UTY: variants seen among roughly 807,000 people sequenced by gnomAD.
UTY encodes the protein histone demethylase UTY.
A neutral mutation model predicts 32.5 loss-of-function variants in UTY; 12 were observed. That is an observed-to-expected ratio of 0.37 (90% CI 0.24 to 0.60). The LOEUF is 0.60. UTY is among the 20% of genes least tolerant of loss of function. UTY has a pLI of 0.69. For missense variants in UTY, 303 were observed against 299.2 expected, an observed-to-expected ratio of 1.01 and a Z score of -0.09; for synonymous variants, 131 against 103.4, an observed-to-expected ratio of 1.27 and a Z score of -1.62.
intron 18 of UTY, among the ~76,000 whole-genome samples, chrY:13,327,829 A>G (rs2060358064): frequency 2.9e-5 from 1 of 34,166 alleles, no homozygotes; most frequent in African/African-American, 1.1e-4. Context: ...TCACTATACC[A>G]GTACTTAATT....
intron 10 of UTY, among the ~76,000 whole-genome samples, chrY:13,361,797 A>C: frequency 3.0e-5 from 1 of 33,526 alleles, no homozygotes; most frequent in Non-Finnish European, 7.4e-5. Context: ...TGAGAGAGTG[A>C]TTTAAGAACA....
intron 17 of UTY, 48 bp downstream of exon 17, chrY:13,354,955 G>C (rs776261863): frequency 2.6e-6 from 1 of 386,729 alleles, no homozygotes; most frequent in Non-Finnish European, 3.6e-6. Context: ...ACTAAATAAA[G>C]ATAAACTACT....
At chrY:13,352,933 G>A in intron 17 of UTY, among the ~76,000 whole-genome samples, 2 of 34,185 alleles carry the variant, frequency 5.9e-5, no homozygotes, top group Admixed American at 5.3e-4. Flanking sequence ...GGAAGCTGCA[G>A]AAGAAAAGTC....
chrY:13,296,045 A>G, intron 27 of UTY, among the ~76,000 whole-genome samples: 2 of 33,734 alleles, frequency 5.9e-5, no homozygotes, highest in African/African-American at 1.2e-4. Flanking sequence ...GTCCTACCAG[A>G]GGTCTCTCTG....
chrY:13,279,543 C>T, intron 27 of UTY, among the ~76,000 whole-genome samples: 2 of 33,477 alleles, frequency 6.0e-5, no homozygotes, highest in African/African-American at 2.3e-4. Context: ...CCACCATATC[C>T]GGCCTGACCA....
intron 27 of UTY, among the ~76,000 whole-genome samples, chrY:13,261,356 T>C: frequency 3.0e-5 from 1 of 33,219 alleles, no homozygotes; most frequent in Non-Finnish European, 7.4e-5. Flanking sequence ...AAAATGATCA[T>C]ATTATCAGTA....
chrY:13,465,982 A>G, intron 3 of UTY, among the ~76,000 whole-genome samples: 1 of 33,542 alleles, frequency 3.0e-5, no homozygotes, highest in Non-Finnish European at 7.4e-5. Flanking sequence ...CAAGTGAGAA[A>G]GAATGAAAAC....
intron 6 of UTY, among the ~76,000 whole-genome samples, chrY:13,407,469 C>A: frequency 3.3e-5 from 1 of 30,713 alleles, no homozygotes. Context: ...AGATAATGGC[C>A]CCAGATTAGA....
intron 10 of UTY, among the ~76,000 whole-genome samples, chrY:13,364,505 T>C (rs924746776): frequency 3.0e-5 from 1 of 33,266 alleles, no homozygotes; most frequent in Non-Finnish European, 7.4e-5. Flanking sequence ...GCTGGTATTA[T>C]AGTCGCCTGC....
intron 27 of UTY, among the ~76,000 whole-genome samples, chrY:13,262,930 C>A (rs779370400): frequency 6.1e-5 from 2 of 32,724 alleles, no homozygotes; most frequent in South Asian, 1.4e-3. Flanking sequence ...ACTTTCATTT[C>A]CAGTAATTCT....
chrY:13,339,687 C>A (rs765638732), intron 17 of UTY, among the ~76,000 whole-genome samples: 1 of 33,702 alleles, frequency 3.0e-5, no homozygotes, highest in South Asian at 6.5e-4. Flanking sequence ...GAGAGACCAA[C>A]ACAGGGCGTG....
chrY:13,364,611 C>T, intron 10 of UTY, among the ~76,000 whole-genome samples: 2 of 33,271 alleles, frequency 6.0e-5, no homozygotes, highest in Non-Finnish European at 1.5e-4. Context: ...GGATTACAGG[C>T]ATGAACCACT....
At chrY:13,401,948 G>C in intron 6 of UTY, among the ~76,000 whole-genome samples, 1 of 33,000 alleles carries the variant, frequency 3.0e-5, no homozygotes, top group Non-Finnish European at 7.5e-5. Flanking sequence ...AAAGAAAAAA[G>C]AGAGGTATAT....
intron 4 of UTY, among the ~76,000 whole-genome samples, chrY:13,436,051 A>C: frequency 3.0e-5 from 1 of 33,017 alleles, no homozygotes; most frequent in East Asian, 8.2e-4. Context: ...CTCACCACTC[A>C]TGTGACATTC....
At chrY:13,274,528 C>A (rs2056545646) in intron 27 of UTY, among the ~76,000 whole-genome samples, 1 of 32,171 alleles carries the variant, frequency 3.1e-5, no homozygotes, top group African/African-American at 1.2e-4. Flanking sequence ...GCAGTGGCTC[C>A]CAGCACTTTG....
At chrY:13,279,004 G>C in intron 27 of UTY, among the ~76,000 whole-genome samples, 1 of 34,061 alleles carries the variant, frequency 2.9e-5, no homozygotes, top group South Asian at 6.5e-4. Context: ...AAGGGTGCTT[G>C]TGTCACCTGT....
At chrY:13,281,278 CT>C (rs2056999968) in intron 27 of UTY, among the ~76,000 whole-genome samples, 2 of 33,909 alleles carry the variant, frequency 5.9e-5, no homozygotes, top group African/African-American at 2.3e-4. Context: ...CTTTAGTTTT[CT>C]CTTTGCTTGT....
At chrY:13,358,718 C>T (rs2063225018) in intron 13 of UTY, 99 bp from the exon 14 acceptor site, 5 of 177,523 alleles carry the variant, frequency 2.8e-5, no homozygotes, top group African/African-American at 8.6e-5. Context: ...ACTATGCGGA[C>T]ATCATTGATG....
chrY:13,297,261 T>C (rs1603337564), intron 27 of UTY, among the ~76,000 whole-genome samples: 2 of 33,724 alleles, frequency 5.9e-5, no homozygotes, highest in East Asian at 1.5e-3. Context: ...TACTTTCATA[T>C]TCATATATAT....
Sources: allele counts gnomAD v4.1 joint callset (sites outside exome capture counted in the v4.1 genomes callset), GRCh38; gene constraint gnomAD v4.1.1; transcripts MANE v1.5; gene names NCBI Gene and HGNC (gene_info 2026-07-23, HGNC 2026-07-21).